The following KAZN variants were observed in gnomAD, a reference collection of about 807,000 sequenced individuals.
KAZN encodes kazrin.
In KAZN, 40 loss-of-function variants were observed where a neutral mutation model predicts 87.4. The observed-to-expected ratio is 0.46, with a 90% CI of 0.36 to 0.60. The LOEUF (loss-of-function observed/expected upper bound fraction) is 0.60, where lower values mean the gene tolerates loss of function less well. Ranked by LOEUF, KAZN falls within the 20% of genes least tolerant of loss-of-function variation. KAZN has a pLI of 0.00. For missense variants in KAZN, 898 were observed against 1,073.9 expected (o/e 0.84, Z 2.29); for synonymous variants, 466 against 458.3 (o/e 1.02, Z -0.22).
intron 2 of KAZN, among the ~76,000 whole-genome samples, chr1:14,482,825 C>T (rs1395671413): frequency 1.3e-5 from 2 of 152,152 alleles, no homozygotes; most frequent in African/African-American, 4.8e-5. Context: ...TGATCCAAGT[C>T]AACGGGAGCT....
intron 1 of KAZN, among the ~76,000 whole-genome samples, chr1:14,060,702 G>C (rs1009313335): frequency 1.3e-5 from 2 of 152,170 alleles, no homozygotes; most frequent in African/African-American, 4.8e-5. Context: ...TAACTTCTGA[G>C]TGAGATTACA....
chr1:14,673,466 A>G (rs989895951), intron 1 of KAZN, among the ~76,000 whole-genome samples: 3 of 152,220 alleles, frequency 2.0e-5, no homozygotes, highest in African/African-American at 7.2e-5. Flanking sequence ...GACTGCCTGA[A>G]GAAGGGCATG....
At chr1:14,782,136 C>G (rs1176952053) in intron 1 of KAZN, among the ~76,000 whole-genome samples, 2 of 152,182 alleles carry the variant, frequency 1.3e-5, no homozygotes, top group African/African-American at 4.8e-5. Flanking sequence ...AAAATTATGA[C>G]TAGTAGGAAC....
chr1:14,235,458 G>T (rs1444674983), intron 2 of KAZN, among the ~76,000 whole-genome samples: 1 of 152,184 alleles, frequency 6.6e-6, no homozygotes, highest in Non-Finnish European at 1.5e-5. Context: ...GCGGAGGGGG[G>T]ATGTAGGGAG....
intron 2 of KAZN, among the ~76,000 whole-genome samples, chr1:14,591,212 A>C (rs1365294792): frequency 6.6e-6 from 1 of 151,890 alleles, no homozygotes; most frequent in Non-Finnish European, 1.5e-5. Context: ...AGAGGGCAAG[A>C]GGTCAGTCAG....
chr1:14,336,487 G>A (rs1415696865), intron 2 of KAZN, among the ~76,000 whole-genome samples: 2 of 152,160 alleles, frequency 1.3e-5, no homozygotes, highest in Non-Finnish European at 2.9e-5. Context: ...GGAGTCAAAT[G>A]ACTGTGTCAT....
intron 1 of KAZN, among the ~76,000 whole-genome samples, chr1:14,131,333 T>C (rs577694897): frequency 6.6e-6 from 1 of 152,316 alleles, no homozygotes; most frequent in South Asian, 2.1e-4. Context: ...AAGGCCAAAG[T>C]TGGAAACACT....
At chr1:14,084,063 A>C (rs151081280) in intron 1 of KAZN, among the ~76,000 whole-genome samples, 248 of 152,364 alleles carry the variant, frequency 1.6e-3, no homozygotes, top group African/African-American at 5.7e-3. Flanking sequence ...GATAGAAGGC[A>C]CTAATGGAAA....
intron 2 of KAZN, among the ~76,000 whole-genome samples, chr1:14,330,837 T>C (rs1041958404): frequency 6.6e-6 from 1 of 152,166 alleles, no homozygotes; most frequent in African/African-American, 2.4e-5. Context: ...AACAAAACTA[T>C]ATGTGTAAAT....
chr1:15,066,736 C>A lies in KAZN; in HGVS notation c.1222+983C>A. On this transcript the variant is annotated intron_variant, in intron 8 of 14. Coordinates refer to ENST00000376030, the MANE Select transcript of KAZN (RefSeq NM_201628.3). This position sits in a 1 kb window ranked among gnomAD's most constrained non-coding sequence, Gnocchi z 4.3. ...GTTACCATGCTGCTACCCAACTGTG[C>A]AAAGTAGTTTAGGGTGGCCAGAACC... 1 of 985,366 alleles carries A rather than the reference C, an allele frequency of 1.0e-6. No homozygotes were observed. Among genetic ancestry groups the A allele is most frequent in the Non-Finnish European group, 1.2e-6 (1 of 829,930 alleles). 61.0% of individuals were successfully genotyped at this position (985,366 alleles called of 1,614,324 possible).
intron 1 of KAZN, among the ~76,000 whole-genome samples, chr1:14,048,519 T>G (rs1642175165): frequency 6.6e-6 from 1 of 151,922 alleles, no homozygotes; most frequent in African/African-American, 2.4e-5. Flanking sequence ...TTCTCTTGCC[T>G]CAGCCTCCTG....
chr1:14,872,826 G>A (rs1652291779), intron 1 of KAZN, among the ~76,000 whole-genome samples: 1 of 151,808 alleles, frequency 6.6e-6, no homozygotes, highest in Non-Finnish European at 1.5e-5. Flanking sequence ...ATGGGTGGAA[G>A]GACAAATGGA....
At position 14,945,510 on chromosome 1, in the gene KAZN, G is replaced by T. The variant is rs562027028; in HGVS notation, c.227-15174G>T. 1.6e-3 allele frequency among the ~76,000 whole-genome samples: 246 copies of T among 152,244 alleles called. 1 individual carries two copies. Among genetic ancestry groups the T allele is most frequent in the Non-Finnish European group, 3.0e-3 (205 of 68,010 alleles). ...CCTTCTGGAAGCCCTAGCAGTCTCCGCACTGGCGGCCAGTCTGTCCTCCCT... is the reference window on the plus strand; with the variant it reads ...CCTTCTGGAAGCCCTAGCAGTCTCCTCACTGGCGGCCAGTCTGTCCTCCCT... On this transcript the variant is annotated intron_variant, in intron 1 of 14. Transcript: ENST00000376030.
chr1:14,428,332 C>A (rs545799836), intron 2 of KAZN, among the ~76,000 whole-genome samples: 1 of 152,216 alleles, frequency 6.6e-6, no homozygotes, highest in South Asian at 2.1e-4. Flanking sequence ...ATATACCCTC[C>A]CCATTCAAAT....
intron 1 of KAZN, among the ~76,000 whole-genome samples, chr1:14,148,905 T>A (rs1256858518): frequency 6.6e-6 from 1 of 152,088 alleles, no homozygotes; most frequent in African/African-American, 2.4e-5. Context: ...ACACTCCACT[T>A]TTTGCTTGAT....
chr1:14,022,001 T>A (rs1281807694), intron 1 of KAZN, among the ~76,000 whole-genome samples: 15 of 133,516 alleles, frequency 1.1e-4, no homozygotes, highest in Non-Finnish European at 1.6e-5. Context: ...CAATGCATCA[T>A]CAGTCTGTTC....
At chr1:14,953,877 A>G (rs1282989938) in intron 1 of KAZN, among the ~76,000 whole-genome samples, 1 of 152,166 alleles carries the variant, frequency 6.6e-6, no homozygotes, top group Non-Finnish European at 1.5e-5. Flanking sequence ...CTCCTAAAGG[A>G]CTTTTTTCTG....
intron 2 of KAZN, among the ~76,000 whole-genome samples, chr1:14,295,763 C>T (rs1654065634): frequency 6.6e-6 from 1 of 152,216 alleles, no homozygotes; most frequent in Non-Finnish European, 1.5e-5. Context: ...GGGATTCCTT[C>T]CTGACATCAG....
intron 2 of KAZN, among the ~76,000 whole-genome samples, chr1:14,971,224 A>C (rs10737904): frequency 0.41 from 62,419 of 151,984 alleles, 15,441 homozygotes; most frequent in African/African-American, 0.7. Context: ...ATGGTGAAAC[A>C]CTGTCCTTAC....
Sources: gnomAD v4.1 joint callset for allele counts (sites outside exome capture counted in the v4.1 genomes callset) on GRCh38, gnomAD v4.1.1 for gene constraint, Gnocchi (gnomAD v3.1) non-coding constraint, MANE v1.5 for transcripts, NCBI Gene and HGNC (gene_info 2026-07-23, HGNC 2026-07-21) for gene names.